DST: variants seen among roughly 807,000 people sequenced by gnomAD.
DST encodes bullous pemphigoid antigen.
DST carries 253 observed loss-of-function variants against 875.2 expected under a neutral mutation model. That is an observed-to-expected ratio of 0.29 (90% CI 0.26 to 0.32). DST has a LOEUF of 0.32. DST is among the 10% of genes least tolerant of loss of function. The pLI is 1.00. For missense variants in DST, 8,287 were observed against 9,111.6 expected (o/e 0.91, Z 3.68); for synonymous variants, 3,124 against 3,197.1 (o/e 0.98, Z 0.77).
At chr6:56,617,989 T>C in intron 36 of DST, 1 of 1,613,070 alleles carries the variant, frequency 6.2e-7, no homozygotes, top group Non-Finnish European at 8.5e-7. Flanking sequence ...AGTATACCTC[T>C]AAGGGTGTCA....
At chr6:56,707,744 C>A (rs2099346962) in intron 5 of DST, among the ~76,000 whole-genome samples, 2 of 152,196 alleles carry the variant, frequency 1.3e-5, no homozygotes, top group Admixed American at 6.5e-5. Flanking sequence ...CTGAACAAAA[C>A]CCTCTACATA....
chr6:56,608,098 C>G lies in DST; in HGVS notation c.6530G>C (p.Arg2177Thr). 1 of 1,613,690 alleles carries G rather than the reference C, an allele frequency of 6.2e-7. No homozygotes were observed. Among genetic ancestry groups the G allele is most frequent in the Non-Finnish European group, 8.5e-7 (1 of 1,179,764 alleles). ...TCCATCAAAAACATCCTCTTCTTGTCTGTAATCATGAACTGTGGAGGGTTG... is the reference window on the plus strand; with the variant it reads ...TCCATCAAAAACATCCTCTTCTTGTGTGTAATCATGAACTGTGGAGGGTTG... ...KFQPSTVHDYRQEEDVFDGEE... is the reference protein window; with the variant it reads ...KFQPSTVHDYTQEEDVFDGEE... Residue 2177 changes from arginine (R) to threonine (T), a missense_variant, in exon 40 of 104, where the codon AGA becomes ACA. Physicochemically the swap from Arg to Thr is moderately conservative, Grantham distance 71. This residue lies in a region of DST where 3,138 missense variants were observed against 3,116.6 expected (regional missense o/e 1.01). Transcript: ENST00000680361.
At chr6:56,814,563 T>C (rs910170389) in intron 4 of DST, among the ~76,000 whole-genome samples, 1 of 152,190 alleles carries the variant, frequency 6.6e-6, no homozygotes, top group Non-Finnish European at 1.5e-5. Context: ...CATCTCTTTT[T>C]CCACTCTGTT....
chr6:56,582,858 G>T (rs1232737788), intron 49 of DST, among the ~76,000 whole-genome samples: 1 of 151,564 alleles, frequency 6.6e-6, no homozygotes, highest in Non-Finnish European at 1.5e-5. Flanking sequence ...TGGTTTTTTG[G>T]CCTTGTGATA....
intron 4 of DST, chr6:56,843,501 C>T: frequency 3.0e-6 from 3 of 987,002 alleles, no homozygotes; most frequent in Non-Finnish European, 3.6e-6. Flanking sequence ...GGGCGGGGGC[C>T]GGCGGGCGCC....
intron 4 of DST, among the ~76,000 whole-genome samples, chr6:56,806,665 G>A (rs1331464682): frequency 1.3e-5 from 2 of 152,198 alleles, no homozygotes; most frequent in African/African-American, 4.8e-5. Context: ...CTATTTGGCA[G>A]AGGTGGATCC....
intron 61 of DST, chr6:56,540,514 A>G (rs1029027688): frequency 1.3e-5 from 2 of 152,606 alleles, no homozygotes; most frequent in Non-Finnish European, 2.9e-5. Flanking sequence ...TGGTGCTACC[A>G]CAATCTACAT....
intron 9 of DST, among the ~76,000 whole-genome samples, chr6:56,699,270 T>C (rs1429025921): frequency 6.6e-6 from 1 of 152,148 alleles, no homozygotes; most frequent in Non-Finnish European, 1.5e-5. Flanking sequence ...AAGGAGGAAA[T>C]AGTTGACAGT....
chr6:56,877,487 C>T (rs1045214469), intron 3 of DST, among the ~76,000 whole-genome samples: 2 of 152,166 alleles, frequency 1.3e-5, no homozygotes, highest in African/African-American at 2.4e-5. Flanking sequence ...ACCCAGGAGG[C>T]GGAGGTTGCA....
At chr6:56,623,168 A>G (rs1011016407) in intron 36 of DST, among the ~76,000 whole-genome samples, 1 of 152,170 alleles carries the variant, frequency 6.6e-6, no homozygotes, top group Admixed American at 6.5e-5. Flanking sequence ...CTTGCATTCA[A>G]TTAAGGCCTT....
In DST at chr6:56,640,553, C is replaced by T; in HGVS notation, c.2080G>A (p.Val694Met). The T allele has an allele frequency of 1.2e-6, 2 of 1,614,176 alleles. No individual in the cohort carries two copies. Among genetic ancestry groups the T allele is most frequent in the South Asian group, 2.2e-5 (2 of 91,082 alleles). ...IMALRNECSS[V>M]YSKGRILTTE... ...GTCAGTATGCGTCCTTTGCTGTACACAGAAGAACATTCGTTCCTTAAGGCC... is the reference window on the plus strand; with the variant it reads ...GTCAGTATGCGTCCTTTGCTGTACATAGAAGAACATTCGTTCCTTAAGGCC... The change falls in exon 18 of 104, where the codon GTG becomes ATG. Residue 694 changes from valine to methionine, a missense_variant. Transcript: ENST00000680361.
intron 90 of DST, among the ~76,000 whole-genome samples, chr6:56,477,916 A>C (rs1016341222): frequency 6.6e-6 from 1 of 152,214 alleles, no homozygotes; most frequent in African/African-American, 2.4e-5. Flanking sequence ...TAATAATGAC[A>C]AGGAAAAAAG....
chr6:56,492,217 G>C lies in DST; in HGVS notation c.20757+10C>G. On this transcript the variant is annotated intron_variant, in intron 85 of 103. Coordinates refer to ENST00000680361, the MANE Select transcript of DST (RefSeq NM_001374736.1). The stretch of plus-strand genomic sequence containing the variant: ...GACAAGTTCAGAGAATTTTTCTAAA[G>C]GGTTATTACCTGCTTGGCTCTCTTC... The C allele has an allele frequency of 6.2e-7, 1 of 1,611,210 alleles. No individual in the cohort carries two copies. The highest frequency in any genetic ancestry group is 1.7e-5 in the Admixed American group (1 of 59,518).
At chr6:56,788,353 C>T (rs2153002089) in intron 4 of DST, among the ~76,000 whole-genome samples, 1 of 151,802 alleles carries the variant, frequency 6.6e-6, no homozygotes. Context: ...AGGTGTGCAC[C>T]ACCAGCTACT....
At chr6:56,734,878 T>TGAGGG (rs1286986907) in intron 5 of DST, among the ~76,000 whole-genome samples, 2 of 152,110 alleles carry the variant, frequency 1.3e-5, no homozygotes, top group Non-Finnish European at 2.9e-5. Flanking sequence ...GTTTGAATCT[T>TGAGGG]GAGAGAGAAA....
Position 56,640,465 on chromosome 6 carries a change from T to G in DST, c.2168A>C (p.Gln723Pro). Residue 723 changes from glutamine (Q) to proline (P), a missense_variant, in exon 18 of 104, where the codon CAG becomes CCG. By Grantham distance (76) the Gln-to-Pro change is moderately conservative. This residue lies in a region of DST where 1,160 missense variants were observed against 1,424.3 expected (regional missense o/e 0.81). Transcript: ENST00000680361. ...ITQSLNSGFA[Q>P]TLHPSLTSGL... Reference sequence around the variant, plus strand: ...TGAGGTCAGACTAGGGTGTAAGGTCTGTGCAAATCCTGAGTTTAAACTTTG... The same window carrying G: ...TGAGGTCAGACTAGGGTGTAAGGTCGGTGCAAATCCTGAGTTTAAACTTTG... 1 of 1,614,236 alleles carries G rather than the reference T, an allele frequency of 6.2e-7. No individual in the cohort carries two copies. Among genetic ancestry groups the G allele is most frequent in the Non-Finnish European group, 8.5e-7 (1 of 1,180,036 alleles).
At chr6:56,726,838 T>C (rs577710482) in intron 5 of DST, among the ~76,000 whole-genome samples, 3 of 152,172 alleles carry the variant, frequency 2.0e-5, no homozygotes, top group Non-Finnish European at 4.4e-5. Flanking sequence ...TCAAATTCCT[T>C]AGTACGGTCT....
At chr6:56,949,471 C>T (rs1008535187) in intron 2 of DST, among the ~76,000 whole-genome samples, 2 of 152,140 alleles carry the variant, frequency 1.3e-5, no homozygotes, top group African/African-American at 4.8e-5. Flanking sequence ...GTTAGCATAA[C>T]AGAAAAAACC....
intron 10 of DST, among the ~76,000 whole-genome samples, chr6:56,665,180 A>T (rs1188865082): frequency 2.0e-5 from 3 of 152,202 alleles, no homozygotes; most frequent in Non-Finnish European, 2.9e-5. Flanking sequence ...TTAAGTTGTT[A>T]TGAGTTGTTG....
Sources: allele counts gnomAD v4.1 joint callset (sites outside exome capture counted in the v4.1 genomes callset), GRCh38; gene constraint gnomAD v4.1.1; regional missense constraint gnomAD v4.1.1; transcripts MANE v1.5; gene names NCBI Gene and HGNC (gene_info 2026-07-23, HGNC 2026-07-21).